The following UNC13C variants were observed in gnomAD, a reference collection of about 807,000 sequenced individuals.
UNC13C encodes unc-13 homolog C.
Under a neutral mutation model 245.4 loss-of-function variants are expected in UNC13C, and 174 were observed. That is an observed-to-expected ratio of 0.71 (90% CI 0.63 to 0.80). The LOEUF (loss-of-function observed/expected upper bound fraction) is 0.80, where lower values mean the gene tolerates loss of function less well. Ranked by LOEUF, UNC13C falls within the 30% of genes least tolerant of loss-of-function variation. The probability of loss-of-function intolerance (pLI) is 0.00; values close to 1 mark genes in which losing one functional copy is unlikely to be tolerated. For synonymous variants in UNC13C, 992 were observed against 895.1 expected, an observed-to-expected ratio of 1.11 and a Z score of -1.93; for missense variants, 2,829 against 2,602.9, an observed-to-expected ratio of 1.09 and a Z score of -1.89.
the UNC13C span, among the ~76,000 whole-genome samples, chr15:53,884,829 C>G: frequency 6.6e-6 from 1 of 152,156 alleles, no homozygotes; most frequent in Non-Finnish European, 1.5e-5. Flanking sequence ...TCCCTTTACT[C>G]CTACTGCTGC....
rs564864636 is a variant in UNC13C at position 54,299,361 on chromosome 15, C to G, written c.4105-849C>G. 3.9e-5 allele frequency among the ~76,000 whole-genome samples: 6 copies of G among 152,204 alleles called. No homozygotes were observed. The East Asian group carries it at 1.2e-3, about 29-fold the overall frequency. ...ATTCTCCAACATTCATTTTCAACCTCGATTCATTGCCCTGACTCTTACCAT... is the reference window on the plus strand; with the variant it reads ...ATTCTCCAACATTCATTTTCAACCTGGATTCATTGCCCTGACTCTTACCAT... On this transcript the variant is annotated intron_variant, in intron 12 of 32. Transcript: ENST00000260323.
At chr15:53,898,583 C>T in the UNC13C span, among the ~76,000 whole-genome samples, 1 of 152,084 alleles carries the variant, frequency 6.6e-6, no homozygotes, top group African/African-American at 2.4e-5. Context: ...GGTATTGGCT[C>T]CCCAAGGGAG....
At position 54,224,421 on chromosome 15, in the gene UNC13C, G is replaced by T. The variant is rs188324687; in HGVS notation, c.3072-10609G>T. Among the ~76,000 whole-genome samples, 10 of 152,188 alleles carry T rather than the reference G, an allele frequency of 6.6e-5. No homozygotes were observed. In the East Asian group the frequency reaches 1.9e-3, roughly 29 times the overall value. ...TTTTTGTCCTTTATTCTGTTGATGT[G>T]ATGTATCACACTGACTGATTTGGGT... On this transcript the variant is annotated intron_variant, in intron 4 of 32. Coordinates refer to ENST00000260323, the MANE Select transcript of UNC13C (RefSeq NM_001080534.3).
At position 54,403,065 on chromosome 15, in the gene UNC13C, A is replaced by G. The variant is rs568920026; in HGVS notation, c.4847+9884A>G. 8.5e-5 allele frequency among the ~76,000 whole-genome samples: 13 copies of G among 152,344 alleles called. No homozygotes were observed. In the East Asian group the frequency reaches 2.1e-3, roughly 25 times the overall value. ...ACTGCCTTAAGCTCCCTGCCCTGCA[A>G]TATGAACATGAGGACTTGCTTGTAC... On this transcript the variant is annotated intron_variant, in intron 18 of 32. Transcript: ENST00000260323.
chr15:54,274,805 G>C (rs912487901), intron 10 of UNC13C, among the ~76,000 whole-genome samples: 2 of 151,060 alleles, frequency 1.3e-5, no homozygotes, highest in African/African-American at 4.9e-5. Context: ...CCGAGTAGCT[G>C]GGACTACAGG....
chr15:54,035,403 A>G (rs1896535392), intron 2 of UNC13C, among the ~76,000 whole-genome samples: 1 of 152,066 alleles, frequency 6.6e-6, no homozygotes, highest in Admixed American at 6.5e-5. Context: ...TGATTTGTAT[A>G]GCAAAAATCA....
At chr15:54,468,714 C>T (rs899414266) in intron 19 of UNC13C, among the ~76,000 whole-genome samples, 4 of 151,664 alleles carry the variant, frequency 2.6e-5, no homozygotes, top group Admixed American at 2.0e-4. Flanking sequence ...TGTCCTTTCC[C>T]CATTGTGTGC....
chr15:54,407,404 TTAGC>T (rs2040316966), intron 18 of UNC13C, among the ~76,000 whole-genome samples: 1 of 152,188 alleles, frequency 6.6e-6, no homozygotes, highest in Non-Finnish European at 1.5e-5. Context: ...TCTAAATTCA[TTAGC>T]TAAATAGTAT....
chr15:53,951,663 T>A, the UNC13C span, among the ~76,000 whole-genome samples: 1 of 152,266 alleles, frequency 6.6e-6, no homozygotes, highest in East Asian at 1.9e-4. Flanking sequence ...AGATAAAAAC[T>A]CAGTTCTGTT....
intron 2 of UNC13C, among the ~76,000 whole-genome samples, chr15:54,071,705 T>C (rs575411583): frequency 2.6e-5 from 4 of 152,294 alleles, no homozygotes; most frequent in East Asian, 1.9e-4. Flanking sequence ...GAAAATTGCA[T>C]ACAATTTAAA....
intron 2 of UNC13C, among the ~76,000 whole-genome samples, chr15:54,060,425 C>A (rs939109674): frequency 8.5e-5 from 13 of 152,164 alleles, no homozygotes; most frequent in African/African-American, 2.7e-4. Context: ...GAGATACCAT[C>A]TCACACCAGT....
chr15:54,368,095 C>T (rs1331513012), intron 17 of UNC13C, among the ~76,000 whole-genome samples: 2 of 152,052 alleles, frequency 1.3e-5, no homozygotes, highest in African/African-American at 4.8e-5. Context: ...CTCAAGGACA[C>T]CCCATGTGCT....
chr15:54,024,039 C>T lies in UNC13C; in HGVS notation c.2983+8153C>T, dbSNP rs371233975. Among the ~76,000 whole-genome samples, 9 of 152,098 alleles carry T rather than the reference C, an allele frequency of 5.9e-5. No individual in the cohort carries two copies. In the South Asian group the frequency reaches 1.9e-3, roughly 32 times the overall value. On this transcript the variant is annotated intron_variant, in intron 2 of 32. Transcript: ENST00000260323. Reference sequence around the variant, plus strand: ...AACTCTGAACTCTGGTGTAAGATAGCAAAGGATAGCCTAATCAATTATGAT... The same window carrying T: ...AACTCTGAACTCTGGTGTAAGATAGTAAAGGATAGCCTAATCAATTATGAT...
At chr15:54,474,528 GTGTT>G (rs1240457595) in intron 19 of UNC13C, among the ~76,000 whole-genome samples, 5 of 151,544 alleles carry the variant, frequency 3.3e-5, no homozygotes, top group South Asian at 2.1e-4. Context: ...ATTATTTGTT[GTGTT>G]TGTTTGTTTT....
intron 16 of UNC13C, among the ~76,000 whole-genome samples, chr15:54,337,333 T>C (rs540069630): frequency 6.3e-4 from 96 of 152,324 alleles, no homozygotes; most frequent in African/African-American, 2.3e-3. Flanking sequence ...TTTATATCTC[T>C]AACCAGAACT....
Position 54,594,446 on chromosome 15 carries a change from TG to T in UNC13C, c.6106+26504del, listed in dbSNP as rs527361671. On this transcript the variant is annotated intron_variant, in intron 30 of 32. Coordinates refer to ENST00000260323, the MANE Select transcript of UNC13C (RefSeq NM_001080534.3). ...GGGTGGGTAGGGAAGGATCATCAGG[TG>T]GGGGCAGGGCTAGGTGTGTCTGAGC... 4.1e-3 allele frequency among the ~76,000 whole-genome samples: 628 copies of T among 151,874 alleles called. 3 individuals carry two copies. The highest frequency in any genetic ancestry group is 0.014 in the African/African-American group (591 of 41,398).
chr15:54,256,723 T>C (rs2036287732), intron 8 of UNC13C, among the ~76,000 whole-genome samples: 1 of 152,202 alleles, frequency 6.6e-6, no homozygotes, highest in Non-Finnish European at 1.5e-5. Context: ...TTTGGTACTA[T>C]CTGCGGTTTC....
At chr15:54,599,449 G>T (rs1169298329) in intron 30 of UNC13C, among the ~76,000 whole-genome samples, 2 of 151,892 alleles carry the variant, frequency 1.3e-5, no homozygotes, top group African/African-American at 4.8e-5. Flanking sequence ...TTCAGTATCT[G>T]CTTGCAATCA....
intron 29 of UNC13C, among the ~76,000 whole-genome samples, chr15:54,567,133 T>C (rs1030908761): frequency 6.6e-6 from 1 of 152,134 alleles, no homozygotes; most frequent in Non-Finnish European, 1.5e-5. Flanking sequence ...AGTGACCATA[T>C]TTATTGTCAA....
Sources: allele counts gnomAD v4.1 joint callset (sites outside exome capture counted in the v4.1 genomes callset), GRCh38; gene constraint gnomAD v4.1.1; transcripts MANE v1.5; gene names NCBI Gene and HGNC (gene_info 2026-07-23, HGNC 2026-07-21).